The following SGPP2 variants were observed in gnomAD, a reference collection of about 807,000 sequenced individuals.
SGPP2 encodes the protein sphingosine 1-phosphate phosphohydrolase 2.
SGPP2 carries 30 observed loss-of-function variants against 33.9 expected under a neutral mutation model. The ratio of observed to expected loss-of-function variants is 0.89; its 90% CI spans 0.66 to 1.20. The LOEUF is 1.20. Ranked by LOEUF, SGPP2 falls within the 50% of genes most tolerant of loss-of-function variation. SGPP2 has a pLI of 0.00. For synonymous variants in SGPP2, 233 were observed against 225.0 expected, an observed-to-expected ratio of 1.04 and a Z score of -0.32; for missense variants, 458 against 532.1, an observed-to-expected ratio of 0.86 and a Z score of 1.37.
Position 222,482,598 on chromosome 2 carries a change from C to T in SGPP2, c.378+7872C>T, listed in dbSNP as rs575564341. ...CTCACTATGTTGGCCAGACTGGTCT[C>T]GAACTCTTGACCTCAAGCAATCCTT... is the stretch of plus-strand genomic sequence containing the variant. On this transcript the variant is annotated intron_variant, in intron 2 of 4. Coordinates refer to ENST00000321276, the MANE Select transcript of SGPP2 (RefSeq NM_152386.4). Among the ~76,000 whole-genome samples, 16 of 152,260 alleles carry T rather than the reference C, an allele frequency of 1.1e-4. 1 individual carries two copies. Among genetic ancestry groups the T allele is most frequent in the African/African-American group, 3.1e-4 (13 of 41,560 alleles).
In SGPP2 at chr2:222,453,010, T is replaced by A. The variant is rs1697515919; in HGVS notation, c.220-21558T>A. On this transcript the variant is annotated intron_variant, in intron 1 of 4. Coordinates refer to ENST00000321276, the MANE Select transcript of SGPP2 (RefSeq NM_152386.4). ...AGCTGGGTGGAAGAGAACACAGTTC[T>A]GGTCTTCTGTTTCTTGACTGGGACC... The A allele has an allele frequency of 5.1e-6, 8 of 1,583,334 alleles. 1 individual carries two copies. In the Admixed American group the frequency reaches 8.4e-5, roughly 17 times the overall value.
intron 1 of SGPP2, among the ~76,000 whole-genome samples, chr2:222,433,094 A>AAGGGGAGGGG (rs1559142019): frequency 7.1e-6 from 1 of 140,124 alleles, no homozygotes; most frequent in African/African-American, 2.6e-5. Context: ...GAGAGGAGGG[A>AAGGGGAGGGG]AGGGGAGGGG....
chr2:222,471,850 A>G (rs1697848128), intron 1 of SGPP2, among the ~76,000 whole-genome samples: 1 of 152,160 alleles, frequency 6.6e-6, no homozygotes, highest in African/African-American at 2.4e-5. Flanking sequence ...AAGTAGGATT[A>G]AAATTATGCT....
intron 2 of SGPP2, among the ~76,000 whole-genome samples, chr2:222,517,347 A>G (rs2106129981): frequency 6.6e-6 from 1 of 152,348 alleles, no homozygotes; most frequent in South Asian, 2.1e-4. Context: ...CACAGCAGAG[A>G]AGGGGAGGAG....
At chr2:222,507,202 T>G (rs994191256) in intron 2 of SGPP2, among the ~76,000 whole-genome samples, 6 of 152,194 alleles carry the variant, frequency 3.9e-5, no homozygotes, top group Non-Finnish European at 7.3e-5. Context: ...CTTGGTTTGA[T>G]TTTCCTGAGT....
In SGPP2 at chr2:222,467,972, A is replaced by C. The variant is rs919293500; in HGVS notation, c.220-6596A>C. 7.2e-3 allele frequency among the ~76,000 whole-genome samples: 959 copies of C among 133,780 alleles called. 6 individuals carry two copies. The highest frequency in any genetic ancestry group is 0.033 in the African/African-American group (899 of 27,180). 87.8% of individuals were successfully genotyped at this position (133,780 alleles called of 152,430 possible). ...TCTGAAAAAAAAAAAAAAAAAAAAAAAAAAAAAAAAAAAAAACAGAGGAAG... is the reference window on the plus strand; with the variant it reads ...TCTGAAAAAAAAAAAAAAAAAAAAACAAAAAAAAAAAAAAAACAGAGGAAG... On this transcript the variant is annotated intron_variant, in intron 1 of 4. Transcript: ENST00000321276.
chr2:222,524,781 C>A (rs1698732218), intron 3 of SGPP2, among the ~76,000 whole-genome samples, 163 bp from the exon 4 acceptor site: 1 of 152,116 alleles, frequency 6.6e-6, no homozygotes, highest in Non-Finnish European at 1.5e-5. Flanking sequence ...CTTCTGTCTC[C>A]CCGTTTAAAA....
intron 1 of SGPP2, among the ~76,000 whole-genome samples, chr2:222,458,665 A>G (rs1697609333): frequency 6.6e-6 from 1 of 152,128 alleles, no homozygotes; most frequent in Non-Finnish European, 1.5e-5. Flanking sequence ...ATGCCATGCA[A>G]TTTACCTATG....
At chr2:222,424,498 C>G (rs1232819650), upstream of SGPP2, 2 of 817,206 alleles carry the variant, frequency 2.4e-6, no homozygotes, top group Non-Finnish European at 3.2e-6. Flanking sequence ...CGCCCGGCCT[C>G]CGCCCGGAGT....
chr2:222,485,200 C>T (rs1698086880), intron 2 of SGPP2, among the ~76,000 whole-genome samples: 1 of 152,214 alleles, frequency 6.6e-6, no homozygotes, highest in African/African-American at 2.4e-5. Flanking sequence ...CTCTTCTCCC[C>T]AGTCCAATTA....
At chr2:222,528,332 TCA>T (rs781779538) in intron 4 of SGPP2, among the ~76,000 whole-genome samples, 6 of 152,040 alleles carry the variant, frequency 3.9e-5, no homozygotes, top group Non-Finnish European at 7.4e-5. Context: ...CAAGTCAATA[TCA>T]CAATCAAGCA....
intron 2 of SGPP2, among the ~76,000 whole-genome samples, chr2:222,485,568 A>T (rs1698093960): frequency 6.6e-6 from 1 of 152,252 alleles, no homozygotes; most frequent in African/African-American, 2.4e-5. Context: ...TCTGTAAAGC[A>T]GCCAAGTGGA....
intron 2 of SGPP2, among the ~76,000 whole-genome samples, chr2:222,479,655 A>T (rs1014548256): frequency 6.6e-6 from 1 of 151,784 alleles, no homozygotes; most frequent in Non-Finnish European, 1.5e-5. Flanking sequence ...CGCCCACCTC[A>T]GCCTCCCAAA....
chr2:222,523,546 TA>T (rs1191469811), intron 3 of SGPP2, among the ~76,000 whole-genome samples: 2 of 152,284 alleles, frequency 1.3e-5, no homozygotes, highest in Non-Finnish European at 2.9e-5. Flanking sequence ...CAGTCCTCCT[TA>T]AAAAATTCTC....
chr2:222,497,250 C>T (rs1326097480), intron 2 of SGPP2, among the ~76,000 whole-genome samples: 3 of 118,542 alleles, frequency 2.5e-5, no homozygotes, highest in Non-Finnish European at 3.4e-5. Flanking sequence ...TCTCTTTCTT[C>T]TTTTTTTTTT....
chr2:222,479,698 C>A (rs962467364), intron 2 of SGPP2, among the ~76,000 whole-genome samples: 1 of 152,084 alleles, frequency 6.6e-6, no homozygotes, highest in Admixed American at 6.5e-5. Flanking sequence ...CCACCGCGCC[C>A]GGCCTCTTAT....
intron 3 of SGPP2, among the ~76,000 whole-genome samples, chr2:222,522,298 G>A (rs1248347405): frequency 7.6e-6 from 1 of 130,896 alleles, no homozygotes; most frequent in Non-Finnish European, 1.7e-5. Flanking sequence ...TTTGCAAGAG[G>A]AGTTTATGTC....
intron 2 of SGPP2, chr2:222,498,385 C>T (rs1030885044): frequency 9.2e-5 from 14 of 152,086 alleles, no homozygotes; most frequent in Admixed American, 2.6e-4. Context: ...ATTCATGGAG[C>T]ATTCCATTTT....
chr2:222,436,689 A>G (rs1437727010), intron 1 of SGPP2, among the ~76,000 whole-genome samples: 1 of 152,204 alleles, frequency 6.6e-6, no homozygotes, highest in East Asian at 1.9e-4. Context: ...GAGTCCACAG[A>G]TGATAGTCTT....
Sources: gnomAD v4.1 joint callset for allele counts (sites outside exome capture counted in the v4.1 genomes callset) on GRCh38, gnomAD v4.1.1 for gene constraint, MANE v1.5 for transcripts, NCBI Gene and HGNC (gene_info 2026-07-23, HGNC 2026-07-21) for gene names.